The following ROBO2 variants were observed in gnomAD, a reference collection of about 807,000 sequenced individuals.
The protein encoded by ROBO2 is roundabout homolog 2.
In ROBO2, 53 loss-of-function variants were observed where a neutral mutation model predicts 160.8. The ratio of observed to expected loss-of-function variants is 0.33; its 90% CI spans 0.26 to 0.41. The LOEUF (loss-of-function observed/expected upper bound fraction) is 0.41. ROBO2 is among the 10% of genes least tolerant of loss of function. The pLI is 1.00. For missense variants in ROBO2, 1,577 were observed against 1,722.4 expected, an observed-to-expected ratio of 0.92 and a Z score of 1.49; for synonymous variants, 664 against 611.7, an observed-to-expected ratio of 1.09 and a Z score of -1.26.
chr3:77,604,566 T>G (rs971847534), intron 20 of ROBO2, among the ~76,000 whole-genome samples: 1 of 152,156 alleles, frequency 6.6e-6, no homozygotes, highest in Non-Finnish European at 1.5e-5. Flanking sequence ...CATTTATATA[T>G]ATCTATGAAT....
At chr3:76,288,897 T>G (rs1708665721) in intron 2 of ROBO2, among the ~76,000 whole-genome samples, 1 of 152,218 alleles carries the variant, frequency 6.6e-6, no homozygotes, top group Non-Finnish European at 1.5e-5. Context: ...AGTCCACTCT[T>G]GATGGGCATC....
chr3:77,103,177 T>C (rs1208067631), intron 2 of ROBO2, among the ~76,000 whole-genome samples: 1 of 152,162 alleles, frequency 6.6e-6, no homozygotes, highest in Non-Finnish European at 1.5e-5. Context: ...ATGGCAGCTG[T>C]AGCCCCAGGT....
chr3:76,663,471 T>G (rs1015034258), intron 2 of ROBO2, among the ~76,000 whole-genome samples: 1 of 152,192 alleles, frequency 6.6e-6, no homozygotes, highest in African/African-American at 2.4e-5. Context: ...TGTTTAGTGC[T>G]TCTATAGTCT....
At chr3:76,988,199 G>C (rs566399440) in intron 2 of ROBO2, among the ~76,000 whole-genome samples, 3 of 152,018 alleles carry the variant, frequency 2.0e-5, no homozygotes, top group Admixed American at 2.0e-4. Flanking sequence ...TAAAGGTAAG[G>C]CTTTTTTGCA....
At chr3:76,440,154 C>T (rs1179420582) in intron 2 of ROBO2, among the ~76,000 whole-genome samples, 3 of 152,062 alleles carry the variant, frequency 2.0e-5, no homozygotes, top group African/African-American at 7.2e-5. Flanking sequence ...GGGGGGAAAG[C>T]GAGAAATTCC....
intron 2 of ROBO2, among the ~76,000 whole-genome samples, chr3:76,407,534 A>C (rs2075269928): frequency 6.6e-6 from 1 of 151,970 alleles, no homozygotes. Context: ...ACCCATGTGA[A>C]TATAGCCAAA....
At chr3:76,047,060 T>A (rs2067477159) in intron 2 of ROBO2, among the ~76,000 whole-genome samples, 2 of 152,188 alleles carry the variant, frequency 1.3e-5, no homozygotes, top group Admixed American at 1.3e-4. Flanking sequence ...AAGTGATATA[T>A]AAGTAACAAC....
chr3:77,193,519 A>G (rs1302614027), intron 2 of ROBO2, among the ~76,000 whole-genome samples: 1 of 151,540 alleles, frequency 6.6e-6, no homozygotes, highest in Non-Finnish European at 1.5e-5. Flanking sequence ...TCTAACCTCA[A>G]GTGATTCCAA....
intron 1 of ROBO2, among the ~76,000 whole-genome samples, chr3:77,058,775 C>T (rs11714986): frequency 0.043 from 6,517 of 151,704 alleles, 181 homozygotes; most frequent in East Asian, 0.12. Context: ...TGGGCTCAAG[C>T]GATCCACCCA....
At chr3:76,634,058 C>G (rs2090177919) in intron 2 of ROBO2, among the ~76,000 whole-genome samples, 2 of 152,180 alleles carry the variant, frequency 1.3e-5, no homozygotes. Context: ...CACAATTATG[C>G]TAATCACAAA....
chr3:76,633,732 T>C (rs2090160521), intron 2 of ROBO2, among the ~76,000 whole-genome samples: 1 of 152,226 alleles, frequency 6.6e-6, no homozygotes, highest in African/African-American at 2.4e-5. Context: ...AACAATTCTA[T>C]GACGTAGATA....
intron 2 of ROBO2, among the ~76,000 whole-genome samples, chr3:76,776,501 T>C (rs1310259835): frequency 6.6e-6 from 1 of 150,894 alleles, no homozygotes; most frequent in Non-Finnish European, 1.5e-5. Flanking sequence ...AGAGGAAATA[T>C]TCTTGATACT....
chr3:77,023,622 G>A (rs1422665336), intron 2 of ROBO2, among the ~76,000 whole-genome samples: 1 of 152,088 alleles, frequency 6.6e-6, no homozygotes, highest in Non-Finnish European at 1.5e-5. Context: ...AGAGTTCAAG[G>A]AACTGAAACA....
chr3:77,218,383 T>C (rs907209964), intron 2 of ROBO2, among the ~76,000 whole-genome samples: 2 of 151,902 alleles, frequency 1.3e-5, no homozygotes, highest in African/African-American at 4.8e-5. Flanking sequence ...ATACTTTTTT[T>C]TTTTTTTTTG....
intron 2 of ROBO2, among the ~76,000 whole-genome samples, chr3:77,442,154 T>C (rs1220795179): frequency 6.6e-6 from 1 of 151,804 alleles, no homozygotes. Context: ...CTACTAAAAA[T>C]ACAGAAAATT....
chr3:76,595,660 C>T (rs17014437), intron 2 of ROBO2, among the ~76,000 whole-genome samples: 13,941 of 151,972 alleles, frequency 0.092, 852 homozygotes, highest in East Asian at 0.26. Context: ...ATGTATTGCA[C>T]GGAAAGGCCA....
intron 2 of ROBO2, among the ~76,000 whole-genome samples, chr3:76,541,103 T>C (rs1012441200): frequency 1.3e-5 from 2 of 152,206 alleles, no homozygotes; most frequent in African/African-American, 4.8e-5. Context: ...TGAAGCCAAT[T>C]CGACTTTTCA....
Position 77,602,495 on chromosome 3 carries a change from A to G in ROBO2, c.3136+4A>G. ...GATCAGAACAAAGGTAACAATGGTG[A>G]GTCAGGTTCTTGTGTCCTGAGGAGG... On this transcript the variant is annotated splice_donor_region_variant and intron_variant, in intron 20 of 25. Coordinates refer to ENST00000461745, the Ensembl canonical transcript of ROBO2. 1 of 1,614,134 alleles carries G rather than the reference A, an allele frequency of 6.2e-7. No homozygotes were observed. Among genetic ancestry groups the G allele is most frequent in the Non-Finnish European group, 8.5e-7 (1 of 1,179,988 alleles).
At chr3:77,508,759 T>C (rs993168245) in intron 5 of ROBO2, among the ~76,000 whole-genome samples, 2 of 152,090 alleles carry the variant, frequency 1.3e-5, no homozygotes, top group East Asian at 3.9e-4. Context: ...AATCTGTTTA[T>C]AATTTTTATC....
Sources: gnomAD v4.1 joint callset for allele counts (sites outside exome capture counted in the v4.1 genomes callset) on GRCh38, gnomAD v4.1.1 for gene constraint, MANE v1.5 for transcripts, NCBI Gene and HGNC (gene_info 2026-07-23, HGNC 2026-07-21) for gene names.